The following PDE8B variants were observed in gnomAD, a reference collection of about 807,000 sequenced individuals.
PDE8B encodes the protein phosphodiesterase 8B.
PDE8B carries 26 observed loss-of-function variants against 101.3 expected under a neutral mutation model. The observed-to-expected ratio is 0.26, with a 90% confidence interval of 0.19 to 0.36. The LOEUF (loss-of-function observed/expected upper bound fraction) is 0.36, where lower values mean the gene tolerates loss of function less well. Ranked by LOEUF, PDE8B falls within the 10% of genes least tolerant of loss-of-function variation. PDE8B has a pLI of 1.00. For missense variants in PDE8B, 810 were observed against 1,163.1 expected (o/e 0.70, Z 4.42); for synonymous variants, 424 against 429.3 (o/e 0.99, Z 0.15).
the PDE8B span, among the ~76,000 whole-genome samples, chr5:77,117,670 G>A: frequency 6.6e-6 from 1 of 152,190 alleles, no homozygotes; most frequent in Non-Finnish European, 1.5e-5. Context: ...TGATCTGGAA[G>A]ATGTTTATTC....
intron 1 of PDE8B, among the ~76,000 whole-genome samples, chr5:77,310,392 TC>T (rs1452522267): frequency 6.6e-6 from 1 of 152,244 alleles, no homozygotes; most frequent in Non-Finnish European, 1.5e-5. Context: ...CTGGTGCTGG[TC>T]CTCTCCCAGT....
chr5:77,235,491 C>T (rs1052877310), intron 1 of PDE8B, among the ~76,000 whole-genome samples: 2 of 152,222 alleles, frequency 1.3e-5, no homozygotes, highest in East Asian at 1.9e-4. Context: ...GGAGACTAAA[C>T]GGGGCATTCA....
chr5:77,425,295 T>C (rs1797802058), intron 20 of PDE8B, among the ~76,000 whole-genome samples: 1 of 152,218 alleles, frequency 6.6e-6, no homozygotes, highest in East Asian at 1.9e-4. Context: ...GCACAGTGGC[T>C]CGTGCCTATA....
At chr5:77,262,021 A>C (rs1436339002) in intron 1 of PDE8B, among the ~76,000 whole-genome samples, 1 of 152,188 alleles carries the variant, frequency 6.6e-6, no homozygotes, top group Non-Finnish European at 1.5e-5. Flanking sequence ...TTTTGTACAT[A>C]ATTTTTTTAA....
chr5:77,382,309 C>T (rs987447768), intron 10 of PDE8B, among the ~76,000 whole-genome samples: 5 of 152,140 alleles, frequency 3.3e-5, no homozygotes, highest in African/African-American at 1.2e-4. Flanking sequence ...GTATGTTTCA[C>T]CCCTTGTAAC....
At chr5:77,331,127 G>C (rs1038031629) in intron 4 of PDE8B, among the ~76,000 whole-genome samples, 1 of 152,198 alleles carries the variant, frequency 6.6e-6, no homozygotes, top group Non-Finnish European at 1.5e-5. Flanking sequence ...AACCCCAAAG[G>C]GCAGCTGAGT....
chr5:77,333,641 T>TTGC (rs986130894), intron 5 of PDE8B, among the ~76,000 whole-genome samples: 2 of 152,218 alleles, frequency 1.3e-5, no homozygotes. Flanking sequence ...TGGTCTAGAA[T>TTGC]TGCTGCCATC....
At chr5:77,324,558 T>C (rs1775702351) in intron 2 of PDE8B, among the ~76,000 whole-genome samples, 3 of 152,220 alleles carry the variant, frequency 2.0e-5, no homozygotes, top group African/African-American at 7.2e-5. Context: ...CCTTCTTTTC[T>C]GTGGGTGGAA....
chr5:77,296,258 CCTT>C (rs926534831), intron 1 of PDE8B, among the ~76,000 whole-genome samples: 3 of 150,940 alleles, frequency 2.0e-5, no homozygotes, highest in African/African-American at 7.4e-5. Flanking sequence ...CTCTCCTTCT[CCTT>C]CTTCTTCTTT....
intron 16 of PDE8B, 101 bp downstream of exon 16, chr5:77,412,336 C>CT: frequency 8.4e-7 from 1 of 1,189,634 alleles, no homozygotes; most frequent in Non-Finnish European, 1.2e-6. Context: ...CTGTGAGAGA[C>CT]CTCACGGGTT....
intron 1 of PDE8B, among the ~76,000 whole-genome samples, chr5:77,256,291 TATC>T (rs1385812052): frequency 6.6e-6 from 1 of 152,182 alleles, no homozygotes; most frequent in Non-Finnish European, 1.5e-5. Context: ...TTCACAATCA[TATC>T]ATACACACAC....
intron 20 of PDE8B, among the ~76,000 whole-genome samples, chr5:77,423,355 AT>A (rs1797101837): frequency 6.6e-6 from 1 of 152,026 alleles, no homozygotes; most frequent in African/African-American, 2.4e-5. Flanking sequence ...AGAATGATTT[AT>A]TTTCCTTTGG....
At chr5:77,193,999 A>G in the PDE8B span, among the ~76,000 whole-genome samples, 1 of 152,162 alleles carries the variant, frequency 6.6e-6, no homozygotes, top group African/African-American at 2.4e-5. Context: ...CTGTGATTTT[A>G]TTATACTCAC....
chr5:77,188,324 G>A, the PDE8B span, among the ~76,000 whole-genome samples: 1 of 152,310 alleles, frequency 6.6e-6, no homozygotes, highest in South Asian at 2.1e-4. Flanking sequence ...AACAGCCATT[G>A]AACAGCATTC....
At chr5:77,150,641 G>T in the PDE8B span, among the ~76,000 whole-genome samples, 10 of 152,276 alleles carry the variant, frequency 6.6e-5, no homozygotes, top group South Asian at 4.1e-4. Flanking sequence ...ATTAGAAAAA[G>T]AGAAAACTTA....
At chr5:77,163,997 G>T in the PDE8B span, among the ~76,000 whole-genome samples, 1 of 152,142 alleles carries the variant, frequency 6.6e-6, no homozygotes, top group African/African-American at 2.4e-5. Flanking sequence ...TTACTTCCTG[G>T]TAAATAAATG....
the PDE8B span, among the ~76,000 whole-genome samples, chr5:77,134,025 G>A: frequency 1.3e-5 from 2 of 152,280 alleles, no homozygotes; most frequent in Admixed American, 6.5e-5. Flanking sequence ...ACCTGGGGCC[G>A]ATCTGTAGTC....
Position 77,394,470 on chromosome 5 carries a change from A to G in PDE8B, c.1168-5778A>G, listed in dbSNP as rs1581452382. Among the ~76,000 whole-genome samples, 4 of 152,192 alleles carry G rather than the reference A, an allele frequency of 2.6e-5. 1 individual carries two copies. The highest frequency in any genetic ancestry group is 2.9e-5 in the Non-Finnish European group (2 of 67,992). ...AGTGTTTCTCTGACATTACCCCCATATGCCCTAGTAAATGATTCACTAAGG... is the reference window on the plus strand; with the variant it reads ...AGTGTTTCTCTGACATTACCCCCATGTGCCCTAGTAAATGATTCACTAAGG... On this transcript the variant is annotated intron_variant, in intron 10 of 21. Coordinates refer to ENST00000264917, the MANE Select transcript of PDE8B (RefSeq NM_003719.5).
At chr5:77,230,874 A>G (rs975143239) in intron 1 of PDE8B, among the ~76,000 whole-genome samples, 15 of 152,256 alleles carry the variant, frequency 9.9e-5, no homozygotes, top group African/African-American at 3.6e-4. Flanking sequence ...ACTTAGTCTC[A>G]AGAATCTTCA....
Sources: gnomAD v4.1 joint callset for allele counts (sites outside exome capture counted in the v4.1 genomes callset) on GRCh38, gnomAD v4.1.1 for gene constraint, MANE v1.5 for transcripts, NCBI Gene and HGNC (gene_info 2026-07-23, HGNC 2026-07-21) for gene names.